The following KCNC2 variants were observed in gnomAD, a reference collection of about 807,000 sequenced individuals.
KCNC2 encodes voltage-gated potassium channel KCNC2.
KCNC2 carries 21 observed loss-of-function variants against 44.5 expected under a neutral mutation model. The ratio of observed to expected loss-of-function variants is 0.47; its 90% CI spans 0.33 to 0.68. The LOEUF is 0.68. Among genes scored for constraint, KCNC2 ranks in the 30% least tolerant of loss-of-function variants. The probability of loss-of-function intolerance (pLI) is 0.01; values close to 1 mark genes in which losing one functional copy is unlikely to be tolerated. For synonymous variants in KCNC2, 391 were observed against 339.1 expected (o/e 1.15, Z -1.68); for missense variants, 589 against 826.2 (o/e 0.71, Z 3.52).
At chr12:75,198,784 C>T (rs1357610188) in intron 2 of KCNC2, among the ~76,000 whole-genome samples, 2 of 151,674 alleles carry the variant, frequency 1.3e-5, no homozygotes, top group Admixed American at 6.6e-5. Flanking sequence ...CTATAATTTG[C>T]AAGCATAGAC....
chr12:75,103,005 G>T (rs1030623185), intron 2 of KCNC2, among the ~76,000 whole-genome samples: 1 of 152,058 alleles, frequency 6.6e-6, no homozygotes, highest in African/African-American at 2.4e-5. Context: ...AGGACCTGGG[G>T]TGTCTCAAAT....
In KCNC2 at chr12:75,048,279, G is replaced by A. The variant is rs2199077; in HGVS notation, c.1654C>T (p.Leu552=). Residue 552 remains leucine (L), a synonymous_variant, in exon 4 of 5, where the codon CTA becomes TTA. Transcript: ENST00000549446. ...ATGGGGAGCCTTTCTGGGGGTGATA[G>A]TGGCGGCTCACTTCCTGTACTGTCG... is the stretch of plus-strand genomic sequence containing the variant. ...GDDSTGSEPP[L]SPPERLPIRR... is the part of the protein sequence containing the mutation. 28 of 1,612,774 alleles carry A rather than the reference G, an allele frequency of 1.7e-5. No homozygotes were observed. The highest frequency in any genetic ancestry group is 2.1e-5 in the Non-Finnish European group (25 of 1,179,266).
rs181000731 is a variant in KCNC2, at chr12:75,151,811, G to A, written c.687+55486C>T. Among the ~76,000 whole-genome samples, 479 of 150,238 alleles carry A rather than the reference G, an allele frequency of 3.2e-3. 4 individuals carry two copies. The highest frequency in any genetic ancestry group is 3.4e-3 in the Non-Finnish European group (229 of 67,516). ...CAATGAAATTTAAATTTATTTTAAA[G>A]GGCAACTAAAAACATCAGTTTAAGA... On this transcript the variant is annotated intron_variant, in intron 2 of 4. Transcript: ENST00000549446.
intron 2 of KCNC2, among the ~76,000 whole-genome samples, chr12:75,201,285 AAAAAAAAAAAAAAC>A (rs1354645018): frequency 0.011 from 1,206 of 110,366 alleles, 75 homozygotes; most frequent in Non-Finnish European, 0.015. Flanking sequence ...AAAAAAAAAA[AAAAAAAAAAAAAAC>A]CAGATTCTGG....
chr12:75,180,999 C>G (rs966838427), intron 2 of KCNC2, among the ~76,000 whole-genome samples: 2 of 152,050 alleles, frequency 1.3e-5, no homozygotes, highest in Non-Finnish European at 2.9e-5. Flanking sequence ...TGTTCTCAAA[C>G]TATTTGAACT....
At chr12:75,123,702 T>C (rs1888202290) in intron 2 of KCNC2, among the ~76,000 whole-genome samples, 1 of 152,172 alleles carries the variant, frequency 6.6e-6, no homozygotes, top group South Asian at 2.1e-4. Flanking sequence ...CCTACTATCT[T>C]CTCTTCTTTA....
intron 2 of KCNC2, among the ~76,000 whole-genome samples, chr12:75,065,561 A>G (rs1160781834): frequency 6.6e-6 from 1 of 152,046 alleles, no homozygotes; most frequent in African/African-American, 2.4e-5. Context: ...TACCTTTTCT[A>G]TGTTTAGATA....
At chr12:75,170,186 T>G (rs1489048518) in intron 2 of KCNC2, among the ~76,000 whole-genome samples, 1 of 151,714 alleles carries the variant, frequency 6.6e-6, no homozygotes, top group African/African-American at 2.4e-5. Flanking sequence ...TAATTAGCAC[T>G]TTATGATTTT....
chr12:75,115,758 T>C (rs1887616298), intron 2 of KCNC2, among the ~76,000 whole-genome samples: 1 of 152,050 alleles, frequency 6.6e-6, no homozygotes, highest in Admixed American at 6.6e-5. Context: ...GTATCTTTTT[T>C]TAAACAAAAT....
chr12:75,078,971 T>A (rs768387652), intron 2 of KCNC2, among the ~76,000 whole-genome samples: 1 of 152,148 alleles, frequency 6.6e-6, no homozygotes, highest in Non-Finnish European at 1.5e-5. Context: ...ACAGAGAGAA[T>A]TATTTAAAGT....
intron 2 of KCNC2, among the ~76,000 whole-genome samples, chr12:75,088,289 T>C (rs1471440052): frequency 6.6e-6 from 1 of 152,014 alleles, no homozygotes; most frequent in Non-Finnish European, 1.5e-5. Context: ...GAAATAAAAA[T>C]AATCTATTCC....
chr12:75,127,312 T>C (rs1414146823), intron 2 of KCNC2, among the ~76,000 whole-genome samples: 2 of 152,132 alleles, frequency 1.3e-5, no homozygotes, highest in African/African-American at 4.8e-5. Context: ...AGTTCTTAGC[T>C]GCTGACAAGA....
chr12:75,115,080 GT>G (rs1257480718), intron 2 of KCNC2, among the ~76,000 whole-genome samples: 1 of 151,864 alleles, frequency 6.6e-6, no homozygotes, highest in Non-Finnish European at 1.5e-5. Flanking sequence ...AGCCAGGATG[GT>G]CTCGATCTCC....
At position 75,050,665 on chromosome 12, in the gene KCNC2, G is replaced by T; in HGVS notation, c.1340C>A (p.Thr447Lys). The T allele has an allele frequency of 6.2e-7, 1 of 1,613,562 alleles. No individual in the cohort carries two copies. Among genetic ancestry groups the T allele is most frequent in the Non-Finnish European group, 8.5e-7 (1 of 1,179,862 alleles). Reference sequence around the variant, plus strand: ...GGCTCCCACCAGCATGCCTGACCATGTTTGGGGGTACATATCCCCATAACC... The same window carrying T: ...GGCTCCCACCAGCATGCCTGACCATTTTTGGGGGTACATATCCCCATAACC... ...TLGYGDMYPQTWSGMLVGALC... is the reference protein window; with the variant it reads ...TLGYGDMYPQKWSGMLVGALC... Residue 447 changes from threonine to lysine, a missense_variant, in exon 3 of 5, where the codon ACA (threonine) becomes AAA (lysine). Physicochemically the swap from Thr to Lys is moderately conservative, Grantham distance 78 (BLOSUM62 -1). Coordinates refer to ENST00000549446, the MANE Select transcript of KCNC2 (RefSeq NM_139137.4).
At chr12:75,061,641 G>T (rs80001955) in intron 2 of KCNC2, among the ~76,000 whole-genome samples, 2,057 of 150,846 alleles carry the variant, frequency 0.014, 43 homozygotes, top group African/African-American at 0.043. Flanking sequence ...CATCATGAGG[G>T]TGGAAAATCA....
chr12:75,140,795 G>A (rs1338484958), intron 2 of KCNC2, among the ~76,000 whole-genome samples: 1 of 151,438 alleles, frequency 6.6e-6, no homozygotes, highest in African/African-American at 2.4e-5. Context: ...TTAATGTAAC[G>A]ATTAATGTCA....
At chr12:75,056,493 A>G (rs1467334315) in intron 2 of KCNC2, among the ~76,000 whole-genome samples, 1 of 151,922 alleles carries the variant, frequency 6.6e-6, no homozygotes, top group Non-Finnish European at 1.5e-5. Flanking sequence ...TTGTATTTCT[A>G]AGGACATTAT....
intron 2 of KCNC2, among the ~76,000 whole-genome samples, chr12:75,074,493 TC>T (rs1240449766): frequency 6.6e-6 from 1 of 152,178 alleles, no homozygotes; most frequent in Non-Finnish European, 1.5e-5. Flanking sequence ...AAATTTAACA[TC>T]ATATCAAGTT....
chr12:75,157,747 A>C (rs1890859527), intron 2 of KCNC2, among the ~76,000 whole-genome samples: 1 of 151,864 alleles, frequency 6.6e-6, no homozygotes, highest in Non-Finnish European at 1.5e-5. Flanking sequence ...TCTGAATGAG[A>C]CTCTGAATGA....
Sources: gnomAD v4.1 joint callset for allele counts (sites outside exome capture counted in the v4.1 genomes callset) on GRCh38, gnomAD v4.1.1 for gene constraint, MANE v1.5 for transcripts, NCBI Gene and HGNC (gene_info 2026-07-23, HGNC 2026-07-21) for gene names.